The following ZNF423 variants were observed in gnomAD, a reference collection of about 807,000 sequenced individuals.
ZNF423 encodes the protein Ebf-associated zinc finger protein.
Under a neutral mutation model 95.8 loss-of-function variants are expected in ZNF423, and 12 were observed. The observed-to-expected ratio is 0.13, with a 90% CI of 0.08 to 0.20. The LOEUF (loss-of-function observed/expected upper bound fraction) is 0.20, where lower values mean the gene tolerates loss of function less well. Ranked by LOEUF, ZNF423 falls within the 10% of genes least tolerant of loss-of-function variation. ZNF423 has a pLI of 1.00. For missense variants in ZNF423, 1,316 were observed against 1,737.1 expected (o/e 0.76, Z 4.31); for synonymous variants, 749 against 711.9 (o/e 1.05, Z -0.83).
rs559913331 is a variant in ZNF423 at position 49,492,832 on chromosome 16, A to G, written c.3850-1528T>C. Among the ~76,000 whole-genome samples, 2 of 152,262 alleles carry G rather than the reference A, an allele frequency of 1.3e-5. No homozygotes were observed. Among genetic ancestry groups the G allele is most frequent in the South Asian group, 4.1e-4 (2 of 4,830 alleles). ...ACCGAGGCCTAGGAAGGCAAAAATT[A>G]CAGGCCCAAGGTCACCCAGGTTGGA... is the stretch of plus-strand genomic sequence containing the variant. On this transcript the variant is annotated intron_variant, in intron 7 of 7. Coordinates refer to ENST00000563137, the MANE Select transcript of ZNF423 (RefSeq NM_001379286.1). This position sits in a 1 kb window ranked among gnomAD's most constrained non-coding sequence, Gnocchi z 4.2.
At chr16:49,657,427 G>A (rs983499130) in intron 3 of ZNF423, among the ~76,000 whole-genome samples, 28 of 152,332 alleles carry the variant, frequency 1.8e-4, no homozygotes, top group African/African-American at 6.3e-4. Context: ...GACCTGATGT[G>A]TGCATCATGG....
chr16:49,597,355 G>T lies in ZNF423; in HGVS notation c.3601+28815C>A, dbSNP rs575365918. On this transcript the variant is annotated intron_variant, in intron 5 of 7. Transcript: ENST00000563137. ...CTGAAATGGGGTGGGTCTACCCTGA[G>T]ACGTGCTGTCAGTCCAAAATACACA... Among the ~76,000 whole-genome samples, 265 of 152,266 alleles carry T rather than the reference G, an allele frequency of 1.7e-3. 1 individual carries two copies. Among genetic ancestry groups the T allele is most frequent in the African/African-American group, 6.2e-3 (256 of 41,540 alleles).
At chr16:49,668,652 C>G (rs2030654976) in intron 3 of ZNF423, among the ~76,000 whole-genome samples, 1 of 152,180 alleles carries the variant, frequency 6.6e-6, no homozygotes, top group African/African-American at 2.4e-5. Flanking sequence ...CCACCTGATG[C>G]AGCCTCAGTA....
intron 2 of ZNF423, among the ~76,000 whole-genome samples, chr16:49,763,797 C>T (rs2033875262): frequency 6.6e-6 from 1 of 152,158 alleles, no homozygotes; most frequent in Non-Finnish European, 1.5e-5. Flanking sequence ...CCACCCAATC[C>T]TTTTGCCCCA....
At chr16:49,832,070 G>C (rs1443587799) in intron 1 of ZNF423, among the ~76,000 whole-genome samples, 2 of 152,114 alleles carry the variant, frequency 1.3e-5, no homozygotes, top group Non-Finnish European at 2.9e-5. Context: ...TAAAGTGGAG[G>C]CTCCATAAAG....
chr16:49,847,594 A>T (rs1194276934), intron 1 of ZNF423: 1 of 151,668 alleles, frequency 6.6e-6, no homozygotes, highest in East Asian at 1.9e-4. Flanking sequence ...CACCTCTTAC[A>T]CTAGAACAAG....
At chr16:49,742,563 G>A (rs930153329) in intron 2 of ZNF423, among the ~76,000 whole-genome samples, 4 of 152,104 alleles carry the variant, frequency 2.6e-5, no homozygotes, top group African/African-American at 9.7e-5. Context: ...GACCTCCTGA[G>A]GCAGTGACCA....
intron 3 of ZNF423, among the ~76,000 whole-genome samples, chr16:49,646,574 C>CTTTTTCTTTTTTTTTTTTTTTT (rs1973179013): frequency 8.5e-6 from 1 of 118,010 alleles, no homozygotes; most frequent in African/African-American, 3.0e-5. Context: ...TTTTCTTTTT[C>CTTTTTCTTTTTTTTTTTTTTTT]TTTTTTTTTT....
chr16:49,666,449 C>T (rs2030549778), intron 3 of ZNF423, among the ~76,000 whole-genome samples: 1 of 152,218 alleles, frequency 6.6e-6, no homozygotes, highest in African/African-American at 2.4e-5. Context: ...ACGTATTAAA[C>T]CAGCTACATA....
chr16:49,855,281 G>A lies in ZNF423; in HGVS notation c.40+454C>T, dbSNP rs1337287624. Among the ~76,000 whole-genome samples, 1 of 151,314 alleles carries A rather than the reference G, an allele frequency of 6.6e-6. No homozygotes were observed. The highest frequency in any genetic ancestry group is 2.1e-4 in the South Asian group (1 of 4,814). ...GCCCGGGGCCAGCGAGGAGCGGTCG[G>A]CCTGCCGGGCGCCCGTCCTCGCCGC... is the stretch of plus-strand genomic sequence containing the variant. On this transcript the variant is annotated intron_variant, in intron 1 of 7. Coordinates refer to ENST00000563137, the MANE Select transcript of ZNF423 (RefSeq NM_001379286.1). The surrounding 1 kb of genome is among the most constrained non-coding windows in gnomAD (Gnocchi z 4.7).
chr16:49,664,159 C>T (rs985839053), intron 3 of ZNF423: 15 of 985,602 alleles, frequency 1.5e-5, no homozygotes, highest in South Asian at 4.7e-5. Context: ...AACCTGAGCC[C>T]GGGTTCCCAG....
chr16:49,731,105 AG>A (rs1311231523), intron 2 of ZNF423, 134 bp from the exon 3 acceptor site: 1 of 1,033,256 alleles, frequency 9.7e-7, no homozygotes, highest in Admixed American at 2.5e-5. Context: ...GACACCTCTC[AG>A]TATATTAATA....
intron 5 of ZNF423, among the ~76,000 whole-genome samples, chr16:49,554,219 A>T (rs1417033779): frequency 6.6e-6 from 1 of 152,214 alleles, no homozygotes; most frequent in East Asian, 1.9e-4. Flanking sequence ...AGGAGTTTGA[A>T]GCATGCCTAA....
intron 1 of ZNF423, among the ~76,000 whole-genome samples, chr16:49,824,890 T>G (rs1321631441): frequency 2.6e-5 from 4 of 152,088 alleles, no homozygotes; most frequent in Non-Finnish European, 5.9e-5. Flanking sequence ...GCAGCTGCCC[T>G]CCTCTCTGAT....
At chr16:49,616,493 G>A (rs895938596) in intron 5 of ZNF423, among the ~76,000 whole-genome samples, 2 of 152,102 alleles carry the variant, frequency 1.3e-5, no homozygotes, top group African/African-American at 2.4e-5. Flanking sequence ...ATTGTTTGTA[G>A]CACAAAGAAA....
intron 1 of ZNF423, among the ~76,000 whole-genome samples, chr16:49,801,894 G>C (rs1170858422): frequency 6.6e-6 from 1 of 152,194 alleles, no homozygotes; most frequent in Non-Finnish European, 1.5e-5. Context: ...TGTTACCCAG[G>C]CTGGAGTGCG....
intron 3 of ZNF423, among the ~76,000 whole-genome samples, chr16:49,670,047 C>T (rs1194402275): frequency 6.6e-6 from 1 of 151,966 alleles, no homozygotes; most frequent in Non-Finnish European, 1.5e-5. Flanking sequence ...GGGCAGTGGC[C>T]CCACCACGAG....
chr16:49,677,488 A>G (rs1057043623), intron 3 of ZNF423, among the ~76,000 whole-genome samples: 2 of 151,694 alleles, frequency 1.3e-5, no homozygotes, highest in Admixed American at 1.3e-4. Flanking sequence ...AAGGAAAGGA[A>G]AGAAAAGAAA....
At chr16:49,667,276 A>G (rs1014763237) in intron 3 of ZNF423, among the ~76,000 whole-genome samples, 3 of 152,256 alleles carry the variant, frequency 2.0e-5, no homozygotes, top group African/African-American at 7.2e-5. Context: ...ACTCTGGCAA[A>G]TGAAAGGTGT....
Sources: allele counts gnomAD v4.1 joint callset (sites outside exome capture counted in the v4.1 genomes callset), GRCh38; gene constraint gnomAD v4.1.1; non-coding constraint Gnocchi (gnomAD v3.1); transcripts MANE v1.5; gene names NCBI Gene and HGNC (gene_info 2026-07-23, HGNC 2026-07-21).